ING5: variants seen among roughly 807,000 people sequenced by gnomAD.
ING5 encodes the protein inhibitor of growth family member 5.
Under a neutral mutation model 37.4 loss-of-function variants are expected in ING5, and 17 were observed. The ratio of observed to expected loss-of-function variants is 0.45; its 90% CI spans 0.31 to 0.68. The LOEUF is 0.68. Among genes scored for constraint, ING5 ranks in the 30% least tolerant of loss-of-function variants. The pLI is 0.05. For missense variants in ING5, 233 were observed against 311.9 expected (o/e 0.75, Z 1.91); for synonymous variants, 123 against 116.6 (o/e 1.06, Z -0.36).
In ING5 at chr2:241,723,686, C is replaced by T. The variant is rs903271897; in HGVS notation, c.680+415C>T. 156 of 1,416,476 alleles carry T rather than the reference C, an allele frequency of 1.1e-4. 1 individual carries two copies. Among genetic ancestry groups the T allele is most frequent in the Middle Eastern group, 1.0e-3 (6 of 5,728 alleles). 87.7% of individuals were successfully genotyped at this position (1,416,476 alleles called of 1,614,324 possible). On this transcript the variant is annotated intron_variant, in intron 7 of 7. Transcript: ENST00000313552. ...TGAGCCCTGAAGCCGGGGCATGGAT[C>T]TGGGGCTCTGCCCCTGGCTCTGTCT...
In ING5 at chr2:241,702,105, A is replaced by T. The variant is rs1356948183; in HGVS notation, c.37+3A>T. 1 of 1,339,080 alleles carries T rather than the reference A, an allele frequency of 7.5e-7. No homozygotes were observed. The highest frequency in any genetic ancestry group is 3.4e-5 in the East Asian group (1 of 29,548). The allele number at this position is 1,339,080 out of a possible 1,614,324, so 82.9% of individuals were successfully genotyped here. ...GTACTTGGAGCACTATCTGGACAGT[A>T]AGCGCGCCCCACGGGCCCCGCGCCC... is the stretch of plus-strand genomic sequence containing the variant. On this transcript the variant is annotated splice_donor_region_variant and intron_variant, in intron 1 of 7. Coordinates refer to ENST00000313552, the MANE Select transcript of ING5 (RefSeq NM_032329.6).
upstream of ING5, among the ~76,000 whole-genome samples, chr2:241,699,038 T>TGGGGGGG (rs570586792): frequency 2.0e-3 from 271 of 138,592 alleles, 1 homozygote; most frequent in African/African-American, 5.8e-3. Context: ...AATTTTTTTT[T>TGGGGGGG]GGGGGGGGAG....
rs1325332816 is a variant in ING5 at position 241,711,966 on chromosome 2, A to G, written c.389-12A>G. On this transcript the variant is annotated splice_polypyrimidine_tract_variant and intron_variant, in intron 4 of 7. Transcript: ENST00000313552. The stretch of plus-strand genomic sequence containing the variant: ...TTCTATAAAAATAATTTGCATCTTG[A>G]TTATTTTTCAGAAGGCCGGGGTCAG... 5.7e-6 allele frequency: 9 copies of G among 1,573,240 alleles called. No individual in the cohort carries two copies. Among genetic ancestry groups the G allele is most frequent in the Non-Finnish European group, 7.7e-6 (9 of 1,164,094 alleles).
At chr2:241,708,617 C>T (rs764925427) in intron 2 of ING5, among the ~76,000 whole-genome samples, 4 of 152,104 alleles carry the variant, frequency 2.6e-5, no homozygotes, top group African/African-American at 2.4e-5. Context: ...CTTTTTGCTC[C>T]GTGTCACCTT....
At chr2:241,704,938 G>A (rs192662887) in intron 2 of ING5, among the ~76,000 whole-genome samples, 1 of 152,126 alleles carries the variant, frequency 6.6e-6, no homozygotes, top group Non-Finnish European at 1.5e-5. Flanking sequence ...TTTATATCAT[G>A]TTTTTATAAC....
At chr2:241,722,360 C>G (rs1471227598) in intron 5 of ING5, 17 of 985,342 alleles carry the variant, frequency 1.7e-5, no homozygotes, top group Non-Finnish European at 2.0e-5. Flanking sequence ...GGAGGAGGGA[C>G]CGAGATGAGA....
chr2:241,711,720 G>A, intron 4 of ING5: 1 of 572,310 alleles, frequency 1.7e-6, no homozygotes. Context: ...GGGCAACATA[G>A]CGAGACCTCA....
intron 7 of ING5, chr2:241,723,914 G>C: frequency 7.6e-7 from 1 of 1,313,158 alleles, no homozygotes; most frequent in Non-Finnish European, 1.1e-6. Context: ...GGAGGCGGAG[G>C]CGGGAGGATG....
chr2:241,723,581 C>T (rs1162922432), intron 7 of ING5, among the ~76,000 whole-genome samples: 1 of 152,202 alleles, frequency 6.6e-6, no homozygotes, highest in East Asian at 1.9e-4. Context: ...CTTCCGGACT[C>T]TGGGAGGTAG....
chr2:241,702,773 G>T (rs2069784061), intron 1 of ING5, among the ~76,000 whole-genome samples: 2 of 152,264 alleles, frequency 1.3e-5, no homozygotes, highest in Non-Finnish European at 2.9e-5. Context: ...TACACACCAG[G>T]GAAGGTCCAG....
At chr2:241,716,560 GC>G (rs2070278111) in intron 5 of ING5, among the ~76,000 whole-genome samples, 4 of 152,066 alleles carry the variant, frequency 2.6e-5, no homozygotes, top group South Asian at 4.1e-4. Flanking sequence ...CTCCCAAAGT[GC>G]TAGGATTACA....
chr2:241,704,461 A>AGGAGGC (rs1311021367), intron 1 of ING5, among the ~76,000 whole-genome samples, 192 bp from the exon 2 acceptor site: 2 of 152,152 alleles, frequency 1.3e-5, no homozygotes, highest in Admixed American at 6.6e-5. Flanking sequence ...CCAGCTACTC[A>AGGAGGC]GGAGGCGGAG....
intron 2 of ING5, among the ~76,000 whole-genome samples, chr2:241,692,475 T>TTC (rs1338700223): frequency 6.6e-6 from 1 of 151,800 alleles, no homozygotes. Context: ...GCTTTTTTTT[T>TTC]TTTTTAAATA....
At position 241,702,074 on chromosome 2, in the gene ING5, C is replaced by G; in HGVS notation, c.9C>G (p.Thr3=). The G allele has an allele frequency of 1.4e-6, 2 of 1,388,458 alleles. No individual in the cohort carries two copies. The highest frequency in any genetic ancestry group is 3.0e-5 in the African/African-American group (2 of 65,710). The allele number at this position is 1,388,458 out of a possible 1,614,324, so 86.0% of individuals were successfully genotyped here. Residue 3 remains threonine (T), a synonymous_variant, in exon 1 of 8, where the codon ACC becomes ACG. Coordinates refer to ENST00000313552, the MANE Select transcript of ING5 (RefSeq NM_032329.6). MA[T]AMYLEHYLDS... is the part of the protein sequence containing the mutation. ...CGCGGCCGCGGACGAAGATGGCGACCGCCATGTACTTGGAGCACTATCTGG... is the reference window on the plus strand; with the variant it reads ...CGCGGCCGCGGACGAAGATGGCGACGGCCATGTACTTGGAGCACTATCTGG...
Position 241,725,339 on chromosome 2 carries a change from G to A in ING5, c.*308G>A, listed in dbSNP as rs1691570405. Reference sequence around the variant, plus strand: ...GGGCTGCCCGGCCGGGCGTGCGGGCGGGGACATGGTAACCTGGTCCACGGA... The same window carrying A: ...GGGCTGCCCGGCCGGGCGTGCGGGCAGGGACATGGTAACCTGGTCCACGGA... On this transcript the variant is annotated 3_prime_UTR_variant, in exon 8 of 8. Coordinates refer to ENST00000313552, the MANE Select transcript of ING5 (RefSeq NM_032329.6). 1 of 403,004 alleles carries A rather than the reference G, an allele frequency of 2.5e-6. No homozygotes were observed. Among genetic ancestry groups the A allele is most frequent in the Non-Finnish European group, 4.6e-6 (1 of 217,100 alleles). 25.0% of individuals were successfully genotyped at this position (403,004 alleles called of 1,614,324 possible).
upstream of ING5, among the ~76,000 whole-genome samples, chr2:241,700,064 C>T (rs1180192463): frequency 6.7e-6 from 1 of 150,172 alleles, no homozygotes; most frequent in Non-Finnish European, 1.5e-5. Flanking sequence ...CTCACTGCAA[C>T]CTCCACGTAC....
chr2:241,717,650 T>C (rs1377298101), intron 5 of ING5, among the ~76,000 whole-genome samples: 1 of 152,020 alleles, frequency 6.6e-6, no homozygotes, highest in Non-Finnish European at 1.5e-5. Flanking sequence ...CTGTCTTTCA[T>C]TGATTCTGAT....
rs748630032 is a variant in ING5 at position 241,704,655 on chromosome 2, A to G, written c.40A>G (p.Ile14Val). Residue 14 changes from isoleucine (I) to valine (V), a missense_variant and splice_region_variant, in exon 2 of 8, where the codon ATC becomes GTC. Ile to Val is a conservative substitution (Grantham distance 29, BLOSUM62 3). This residue lies in a region of ING5 where 93 missense variants were observed against 99.7 expected (regional missense o/e 0.93). Transcript: ENST00000313552. ...AMYLEHYLDS[I>V]ENLPCELQRN... Reference sequence around the variant, plus strand: ...GCTTCTGTGTTTTTGCGTTTCAGGTATCGAGAACCTTCCCTGCGAACTTCA... The same window carrying G: ...GCTTCTGTGTTTTTGCGTTTCAGGTGTCGAGAACCTTCCCTGCGAACTTCA... 117 of 1,613,794 alleles carry G rather than the reference A, an allele frequency of 7.3e-5. No individual in the cohort carries two copies. The highest frequency in any genetic ancestry group is 8.4e-5 in the Non-Finnish European group (99 of 1,179,824).
intron 5 of ING5, chr2:241,719,454 C>A: frequency 8.9e-7 from 1 of 1,118,458 alleles, no homozygotes; most frequent in Non-Finnish European, 1.3e-6. Context: ...GTTTTTGTGA[C>A]TTGCTGGGTT....
Sources: allele counts gnomAD v4.1 joint callset (sites outside exome capture counted in the v4.1 genomes callset), GRCh38; gene constraint gnomAD v4.1.1; regional missense constraint gnomAD v4.1.1; transcripts MANE v1.5; gene names NCBI Gene and HGNC (gene_info 2026-07-23, HGNC 2026-07-21).